Variants in MAP7 observed in about 807,000 individuals in gnomAD.
MAP7 encodes ensconsin.
A neutral mutation model predicts 94.8 loss-of-function variants in MAP7; 52 were observed. The observed-to-expected ratio is 0.55, with a 90% CI of 0.44 to 0.69. The LOEUF (loss-of-function observed/expected upper bound fraction) is 0.69. MAP7 is among the 30% of genes least tolerant of loss of function. MAP7 has a pLI of 0.00. For missense variants in MAP7, 940 were observed against 964.6 expected, an observed-to-expected ratio of 0.97 and a Z score of 0.34; for synonymous variants, 350 against 357.0, an observed-to-expected ratio of 0.98 and a Z score of 0.22.
rs562199314 is a variant in MAP7, at chr6:136,504,205, G to T, written c.67+46137C>A. Among the ~76,000 whole-genome samples, 21 of 152,284 alleles carry T rather than the reference G, an allele frequency of 1.4e-4. No individual in the cohort carries two copies. The South Asian group carries it at 4.1e-3, about 30-fold the overall frequency. On this transcript the variant is annotated intron_variant, in intron 1 of 17. Transcript: ENST00000354570. ...TGTGGTAAAATTACAGAAATGGGCT[G>T]CAAGGGTACATATTATCTCCCTGGG...
intron 1 of MAP7, among the ~76,000 whole-genome samples, chr6:136,529,804 G>A (rs766195277): frequency 3.9e-5 from 6 of 152,136 alleles, no homozygotes; most frequent in Non-Finnish European, 5.9e-5. Flanking sequence ...GCAACTGCAG[G>A]CCCCACCCGC....
intron 1 of MAP7, among the ~76,000 whole-genome samples, chr6:136,517,907 G>C (rs1562481737): frequency 6.6e-6 from 1 of 152,100 alleles, no homozygotes; most frequent in African/African-American, 2.4e-5. Flanking sequence ...GTTTGTAAGG[G>C]GGTAACTTCT....
At chr6:136,522,999 G>C (rs1202876993) in intron 1 of MAP7, among the ~76,000 whole-genome samples, 1 of 151,938 alleles carries the variant, frequency 6.6e-6, no homozygotes, top group Non-Finnish European at 1.5e-5. Context: ...CATGCCATTG[G>C]ACTCCAGCTT....
chr6:136,473,991 T>C (rs1198928928), intron 1 of MAP7, among the ~76,000 whole-genome samples: 1 of 150,730 alleles, frequency 6.6e-6, no homozygotes, highest in Admixed American at 6.6e-5. Flanking sequence ...GAGGAGGAGA[T>C]GTTTGTGGGG....
chr6:136,500,739 A>C (rs1819603167), intron 1 of MAP7, among the ~76,000 whole-genome samples: 1 of 152,252 alleles, frequency 6.6e-6, no homozygotes, highest in South Asian at 2.1e-4. Context: ...GCTTTGATTT[A>C]TGAGTAATCC....
intron 13 of MAP7, among the ~76,000 whole-genome samples, chr6:136,360,451 C>A (rs1427857843): frequency 6.6e-6 from 1 of 152,198 alleles, no homozygotes. Context: ...AGCAGTGCTG[C>A]TTTGTCTTAA....
chr6:136,423,748 C>T (rs1413676976), intron 1 of MAP7, among the ~76,000 whole-genome samples: 4 of 147,078 alleles, frequency 2.7e-5, no homozygotes. Flanking sequence ...AACAAAACCT[C>T]AGTAACAATG....
At chr6:136,414,965 C>T (rs1423367117) in intron 2 of MAP7, among the ~76,000 whole-genome samples, 2 of 152,114 alleles carry the variant, frequency 1.3e-5, no homozygotes, top group Admixed American at 6.5e-5. Context: ...CAGGCATGCG[C>T]CACCAGGCCC....
intron 1 of MAP7, among the ~76,000 whole-genome samples, chr6:136,513,364 C>A (rs1823812340): frequency 6.6e-6 from 1 of 152,154 alleles, no homozygotes; most frequent in Admixed American, 6.5e-5. Context: ...ATGTTCACAG[C>A]GTCTTCACCG....
At chr6:136,374,767 T>A (rs1582714782) in intron 7 of MAP7, among the ~76,000 whole-genome samples, 1 of 152,138 alleles carries the variant, frequency 6.6e-6, no homozygotes, top group East Asian at 1.9e-4. Flanking sequence ...TCAAATTTAG[T>A]CCAAAGAACA....
intron 1 of MAP7, among the ~76,000 whole-genome samples, chr6:136,516,200 G>A (rs1307005018): frequency 6.6e-6 from 1 of 151,670 alleles, no homozygotes; most frequent in Non-Finnish European, 1.5e-5. Flanking sequence ...TCACTCTGCT[G>A]CCTAGGCTAG....
intron 1 of MAP7, among the ~76,000 whole-genome samples, chr6:136,496,913 C>G (rs1818416289): frequency 6.6e-6 from 1 of 151,370 alleles, no homozygotes; most frequent in Non-Finnish European, 1.5e-5. Flanking sequence ...GAGATCGCGC[C>G]ACTGCACTCC....
chr6:136,394,069 C>T (rs868172670), intron 3 of MAP7, among the ~76,000 whole-genome samples: 9 of 150,092 alleles, frequency 6.0e-5, no homozygotes, highest in African/African-American at 2.2e-4. Flanking sequence ...CTGCAACCTC[C>T]GCCTCCCAGG....
intron 6 of MAP7, among the ~76,000 whole-genome samples, chr6:136,381,711 A>G (rs546192344): frequency 5.3e-5 from 8 of 152,014 alleles, no homozygotes; most frequent in Non-Finnish European, 8.8e-5. Flanking sequence ...TCTCAAATCT[A>G]GCGTTCTCCC....
intron 1 of MAP7, among the ~76,000 whole-genome samples, chr6:136,446,254 A>G (rs1422455361): frequency 6.6e-6 from 1 of 151,908 alleles, no homozygotes; most frequent in Admixed American, 6.5e-5. Flanking sequence ...GGCACAGATC[A>G]TCAGAGGTGG....
chr6:136,481,509 G>A (rs1309911135), intron 1 of MAP7, among the ~76,000 whole-genome samples: 1 of 152,072 alleles, frequency 6.6e-6, no homozygotes, highest in Admixed American at 6.6e-5. Flanking sequence ...ATAAGCGAGG[G>A]ACAAAAAGAC....
At chr6:136,468,925 G>A (rs1177568953) in intron 1 of MAP7, among the ~76,000 whole-genome samples, 1 of 152,054 alleles carries the variant, frequency 6.6e-6, no homozygotes, top group African/African-American at 2.4e-5. Context: ...AGAAAGGCAG[G>A]GAAAGACAGA....
intron 1 of MAP7, among the ~76,000 whole-genome samples, chr6:136,464,124 A>G (rs545636800): frequency 6.6e-6 from 1 of 152,346 alleles, no homozygotes; most frequent in East Asian, 1.9e-4. Flanking sequence ...TTTCTGGAGT[A>G]TTCAATTTAA....
chr6:136,491,002 T>G (rs887943940), intron 1 of MAP7, among the ~76,000 whole-genome samples: 3 of 152,226 alleles, frequency 2.0e-5, no homozygotes, highest in African/African-American at 4.8e-5. Context: ...TTACTGTTGT[T>G]AGGACTTTGT....
Sources: allele counts gnomAD v4.1 joint callset (sites outside exome capture counted in the v4.1 genomes callset), GRCh38; gene constraint gnomAD v4.1.1; transcripts MANE v1.5; gene names NCBI Gene and HGNC (gene_info 2026-07-23, HGNC 2026-07-21).